Variants in MYO1E observed in about 807,000 individuals in gnomAD.
MYO1E encodes the protein unconventional myosin-Ie.
MYO1E carries 68 observed loss-of-function variants against 151.1 expected under a neutral mutation model. The ratio of observed to expected loss-of-function variants is 0.45; its 90% confidence interval spans 0.37 to 0.55. MYO1E has a LOEUF of 0.55. MYO1E is among the 20% of genes least tolerant of loss of function. The probability of loss-of-function intolerance (pLI) is 0.00; values close to 1 mark genes in which losing one functional copy is unlikely to be tolerated. For missense variants in MYO1E, 1,363 were observed against 1,389.3 expected, an observed-to-expected ratio of 0.98 and a Z score of 0.30; for synonymous variants, 601 against 501.7, an observed-to-expected ratio of 1.20 and a Z score of -2.64.
At chr15:59,309,114 T>C (rs948340857) in intron 1 of MYO1E, among the ~76,000 whole-genome samples, 5 of 151,762 alleles carry the variant, frequency 3.3e-5, no homozygotes, top group Admixed American at 6.6e-5. Flanking sequence ...ACCTTGTCTC[T>C]AAAAATAAAT....
chr15:59,157,365 T>C (rs2079514982), intron 25 of MYO1E, among the ~76,000 whole-genome samples: 2 of 152,228 alleles, frequency 1.3e-5, no homozygotes, highest in South Asian at 4.1e-4. Flanking sequence ...TTCTATTCAG[T>C]CATTAAGCTG....
intron 24 of MYO1E, 91 bp downstream of exon 24, chr15:59,160,982 C>T: frequency 6.6e-7 from 1 of 1,524,236 alleles, no homozygotes; most frequent in Non-Finnish European, 9.0e-7. Context: ...TGATTCTCAG[C>T]CCCCACATCT....
intron 27 of MYO1E, among the ~76,000 whole-genome samples, chr15:59,137,886 T>A (rs917703432): frequency 2.0e-5 from 3 of 152,208 alleles, no homozygotes; most frequent in South Asian, 2.1e-4. Context: ...GTCCAATGAC[T>A]AAGAACAGAA....
Position 59,163,209 on chromosome 15 carries a change from T to G in MYO1E, c.2575A>C (p.Lys859Gln). ...FKTEFLSLLA[K>Q]RYEEKTQKQL... Reference sequence around the variant, plus strand: ...TTCTGGGTCTTCTCCTCGTAACGCTTTGCTAAGAGGCTTAGGAATTCAGTT... The same window carrying G: ...TTCTGGGTCTTCTCCTCGTAACGCTGTGCTAAGAGGCTTAGGAATTCAGTT... The change falls in exon 23 of 28, where the codon AAG becomes CAG. Residue 859 changes from lysine (K) to glutamine (Q), a missense_variant. Lys to Gln is a moderately conservative substitution (Grantham distance 53, BLOSUM62 1). Coordinates refer to ENST00000288235, the MANE Select transcript of MYO1E (RefSeq NM_004998.4). 6.2e-7 allele frequency: 1 copy of G among 1,614,148 alleles called. No homozygotes were observed. Among genetic ancestry groups the G allele is most frequent in the Non-Finnish European group, 8.5e-7 (1 of 1,179,992 alleles).
chr15:59,191,251 C>T (rs1363196895), intron 17 of MYO1E, among the ~76,000 whole-genome samples: 2 of 150,242 alleles, frequency 1.3e-5, no homozygotes, highest in Middle Eastern at 3.2e-3. Flanking sequence ...GTCAGGAGTT[C>T]GAGACCAGCC....
rs1208349025 is a variant in MYO1E at position 59,134,439 on chromosome 15, C to CA, written c.*2940dup. ...GTACGGTGGCTCTTGCCCATAATCC[C>CA]AGCACTTTGAGAGGCTGAGGCAGGA... On this transcript the variant is annotated 3_prime_UTR_variant, in exon 28 of 28. Coordinates refer to ENST00000288235, the MANE Select transcript of MYO1E (RefSeq NM_004998.4). The CA allele has an allele frequency of 6.6e-6, 1 of 152,248 alleles. No homozygotes were observed. The highest frequency in any genetic ancestry group is 2.4e-5 in the African/African-American group (1 of 41,430). 9.4% of individuals were successfully genotyped at this position (152,248 alleles called of 1,614,324 possible).
At chr15:59,270,724 T>C (rs776105904) in intron 2 of MYO1E, among the ~76,000 whole-genome samples, 8 of 151,962 alleles carry the variant, frequency 5.3e-5, no homozygotes, top group Non-Finnish European at 1.0e-4. Context: ...CTGCAATCTC[T>C]GCCTCCCAAA....
chr15:59,302,118 C>G (rs2080486608), intron 1 of MYO1E, among the ~76,000 whole-genome samples: 1 of 152,018 alleles, frequency 6.6e-6, no homozygotes, highest in South Asian at 2.1e-4. Context: ...TCCCAGGCAC[C>G]ATGAGCATCA....
chr15:59,328,982 C>T (rs1416909715), intron 1 of MYO1E, among the ~76,000 whole-genome samples: 11 of 152,192 alleles, frequency 7.2e-5, no homozygotes, highest in African/African-American at 2.7e-4. Context: ...AGAATTTGAA[C>T]TCAGCATCCT....
At chr15:59,272,281 G>A (rs1350727605) in intron 2 of MYO1E, 25 bp downstream of exon 2, 1 of 1,612,750 alleles carries the variant, frequency 6.2e-7, no homozygotes, top group South Asian at 1.1e-5. Flanking sequence ...ACTTAGAAAT[G>A]TCCAAAGCAG....
chr15:59,234,478 C>G (rs2080049921), intron 5 of MYO1E, among the ~76,000 whole-genome samples: 1 of 152,050 alleles, frequency 6.6e-6, no homozygotes, highest in African/African-American at 2.4e-5. Context: ...ATGTTTGGCT[C>G]TACCTTAAGC....
At chr15:59,286,256 G>A (rs1261364365) in intron 1 of MYO1E, among the ~76,000 whole-genome samples, 14 of 152,128 alleles carry the variant, frequency 9.2e-5, no homozygotes, top group African/African-American at 2.9e-4. Flanking sequence ...TGCAAAATAC[G>A]CATTATTTAT....
intron 6 of MYO1E, among the ~76,000 whole-genome samples, chr15:59,228,358 C>G (rs1377388128): frequency 1.3e-5 from 2 of 151,978 alleles, no homozygotes; most frequent in East Asian, 3.9e-4. Flanking sequence ...TGGCGGGTGC[C>G]TGCAGTCCCA....
At chr15:59,347,000 T>C (rs2080797712) in intron 1 of MYO1E, among the ~76,000 whole-genome samples, 1 of 151,614 alleles carries the variant, frequency 6.6e-6, no homozygotes, top group South Asian at 2.1e-4. Context: ...GAAGGGCTGA[T>C]GGGGAAGGAC....
At chr15:59,294,316 T>C (rs2080436714) in intron 1 of MYO1E, among the ~76,000 whole-genome samples, 1 of 152,194 alleles carries the variant, frequency 6.6e-6, no homozygotes, top group South Asian at 2.1e-4. Context: ...ATATCCCTCA[T>C]TCTCTGAGGT....
In MYO1E at chr15:59,243,122, T is replaced by C. The variant is rs188243761; in HGVS notation, c.333-6450A>G. On this transcript the variant is annotated intron_variant, in intron 4 of 27. Transcript: ENST00000288235. ...TGCTTTTTTTTTTTTTTTTCAAATA[T>C]AGAGAGATATAGTATTGAACACAAC... is the stretch of plus-strand genomic sequence containing the variant. 7.4e-3 allele frequency among the ~76,000 whole-genome samples: 877 copies of C among 118,110 alleles called. 6 individuals carry two copies. Among genetic ancestry groups the C allele is most frequent in the Non-Finnish European group, 0.012 (713 of 57,776 alleles). 77.5% of individuals were successfully genotyped at this position (118,110 alleles called of 152,430 possible).
At chr15:59,271,564 T>A (rs979253236) in intron 2 of MYO1E, among the ~76,000 whole-genome samples, 1 of 152,236 alleles carries the variant, frequency 6.6e-6, no homozygotes, top group African/African-American at 2.4e-5. Context: ...CTGTTGATAA[T>A]GAAGTCAACC....
chr15:59,180,631 T>C (rs539923630), intron 18 of MYO1E, among the ~76,000 whole-genome samples: 10 of 151,990 alleles, frequency 6.6e-5, no homozygotes, highest in Non-Finnish European at 1.3e-4. Flanking sequence ...GTCTTGGCAA[T>C]ACATGGGAAT....
intron 3 of MYO1E, among the ~76,000 whole-genome samples, chr15:59,258,954 G>GTT (rs201872129): frequency 1.5e-4 from 23 of 148,722 alleles, no homozygotes; most frequent in African/African-American, 1.2e-4. Context: ...CCCCTCTCTT[G>GTT]TTTTTTTTTG....
Sources: gnomAD v4.1 joint callset for allele counts (sites outside exome capture counted in the v4.1 genomes callset) on GRCh38, gnomAD v4.1.1 for gene constraint, MANE v1.5 for transcripts, NCBI Gene and HGNC (gene_info 2026-07-23, HGNC 2026-07-21) for gene names.